Variants in BNC2 observed in about 807,000 individuals in gnomAD.
BNC2 encodes zinc finger protein basonuclin-2.
In BNC2, 20 loss-of-function variants were observed where a neutral mutation model predicts 76.3. That is an observed-to-expected ratio of 0.26 (90% CI 0.18 to 0.38). The LOEUF is 0.38. Ranked by LOEUF, BNC2 falls within the 10% of genes least tolerant of loss-of-function variation. BNC2 has a pLI of 1.00. For synonymous variants in BNC2, 582 were observed against 514.8 expected, an observed-to-expected ratio of 1.13 and a Z score of -1.77; for missense variants, 1,382 against 1,399.8, an observed-to-expected ratio of 0.99 and a Z score of 0.20.
rs538801305 is a variant in BNC2 at position 16,788,288 on chromosome 9, T to C, written c.4-49803A>G. 1.9e-3 allele frequency among the ~76,000 whole-genome samples: 285 copies of C among 152,158 alleles called. 1 individual carries two copies. The highest frequency in any genetic ancestry group is 3.7e-3 in the African/African-American group (153 of 41,530). ...TCATTCCTGGGCCAGGCGCGGTGGC[T>C]CACGCCTGTAATCCCAGCACTCTGG... On this transcript the variant is annotated intron_variant, in intron 1 of 6. Coordinates refer to ENST00000380672, the MANE Select transcript of BNC2 (RefSeq NM_017637.6).
chr9:16,673,558 G>T (rs1822548620), intron 3 of BNC2, among the ~76,000 whole-genome samples: 3 of 151,926 alleles, frequency 2.0e-5, no homozygotes, highest in African/African-American at 7.3e-5. Context: ...AGATCTGCAG[G>T]ATCAGGCCTG....
At chr9:16,449,849 G>A (rs1563789173) in intron 5 of BNC2, among the ~76,000 whole-genome samples, 1 of 134,400 alleles carries the variant, frequency 7.4e-6, no homozygotes. Context: ...GGCGGGGGGG[G>A]AGGGTAACTA....
chr9:16,723,518 A>C (rs1004385861), intron 3 of BNC2, among the ~76,000 whole-genome samples: 2 of 151,808 alleles, frequency 1.3e-5, no homozygotes, highest in African/African-American at 2.4e-5. Context: ...GGGGACAAAA[A>C]CATTTTCATT....
At chr9:16,864,966 T>C (rs1819506060) in intron 1 of BNC2, among the ~76,000 whole-genome samples, 3 of 148,952 alleles carry the variant, frequency 2.0e-5, no homozygotes, top group East Asian at 4.0e-4. Context: ...CATCGTCGAG[T>C]CACAATATTT....
chr9:16,601,656 G>A (rs1391671448), intron 3 of BNC2, among the ~76,000 whole-genome samples: 1 of 151,946 alleles, frequency 6.6e-6, no homozygotes, highest in Non-Finnish European at 1.5e-5. Flanking sequence ...GCCAGGGAGG[G>A]CAGGGTCTGG....
chr9:16,838,125 G>A (rs991951518), intron 1 of BNC2, among the ~76,000 whole-genome samples: 1 of 152,116 alleles, frequency 6.6e-6, no homozygotes, highest in Non-Finnish European at 1.5e-5. Context: ...ACTTAAATAA[G>A]GCATACATAA....
chr9:16,743,324 A>G (rs1422942577), intron 1 of BNC2, among the ~76,000 whole-genome samples: 3 of 151,526 alleles, frequency 2.0e-5, no homozygotes, highest in African/African-American at 4.8e-5. Context: ...TTTTTTCCCC[A>G]TGTTTGGTTA....
At chr9:16,628,885 A>G (rs1821077543) in intron 3 of BNC2, among the ~76,000 whole-genome samples, 1 of 152,210 alleles carries the variant, frequency 6.6e-6, no homozygotes, top group Non-Finnish European at 1.5e-5. Flanking sequence ...TTAAGTGGAA[A>G]TAGTAGGATT....
chr9:16,472,801 A>T (rs1821853134), intron 5 of BNC2, among the ~76,000 whole-genome samples: 1 of 152,232 alleles, frequency 6.6e-6, no homozygotes, highest in African/African-American at 2.4e-5. Context: ...TACTTAATGA[A>T]AGGGGTGAAA....
intron 1 of BNC2, among the ~76,000 whole-genome samples, chr9:16,786,614 A>T (rs138027759): frequency 3.9e-5 from 6 of 152,190 alleles, no homozygotes; most frequent in African/African-American, 9.6e-5. Context: ...TCAGGGTTCC[A>T]TGAGAATGCA....
At chr9:16,459,189 C>G (rs1563793305) in intron 5 of BNC2, among the ~76,000 whole-genome samples, 1 of 152,328 alleles carries the variant, frequency 6.6e-6, no homozygotes, top group East Asian at 1.9e-4. Context: ...CATGAATCGG[C>G]CTGTGTCCTA....
chr9:16,621,107 G>C (rs1587243908), intron 3 of BNC2, among the ~76,000 whole-genome samples: 1 of 152,174 alleles, frequency 6.6e-6, no homozygotes, highest in Non-Finnish European at 1.5e-5. Context: ...ATTCAACAAC[G>C]CCTGTGACTG....
At chr9:16,799,131 C>A (rs1436489538) in intron 1 of BNC2, among the ~76,000 whole-genome samples, 1 of 151,372 alleles carries the variant, frequency 6.6e-6, no homozygotes, top group Non-Finnish European at 1.5e-5. Flanking sequence ...TTTTTTTTTC[C>A]GATTCTACAA....
intron 1 of BNC2, among the ~76,000 whole-genome samples, chr9:16,853,069 G>C (rs193235689): frequency 1.3e-5 from 2 of 152,316 alleles, no homozygotes; most frequent in East Asian, 3.9e-4. Context: ...TAGTCTTCTA[G>C]GAGTAGTGGG....
intron 1 of BNC2, among the ~76,000 whole-genome samples, chr9:16,755,289 G>A (rs1314061697): frequency 6.6e-6 from 1 of 152,084 alleles, no homozygotes; most frequent in Non-Finnish European, 1.5e-5. Flanking sequence ...GGAGACCCAG[G>A]GGACTGAAGA....
chr9:16,616,696 A>C (rs1820707521), intron 3 of BNC2, among the ~76,000 whole-genome samples: 1 of 151,404 alleles, frequency 6.6e-6, no homozygotes, highest in South Asian at 2.1e-4. Flanking sequence ...CTCAAAAAAA[A>C]AAAAAAATTA....
intron 4 of BNC2, among the ~76,000 whole-genome samples, chr9:16,564,884 T>C (rs1819125325): frequency 6.6e-6 from 1 of 152,144 alleles, no homozygotes; most frequent in Non-Finnish European, 1.5e-5. Flanking sequence ...GTTTCTATCT[T>C]GGTGGCGGTG....
chr9:16,849,579 G>A (rs1360086758), intron 1 of BNC2, among the ~76,000 whole-genome samples: 14 of 151,814 alleles, frequency 9.2e-5, no homozygotes, highest in African/African-American at 2.7e-4. Context: ...GGCTGGTCCC[G>A]AACTCCTGAC....
chr9:16,797,606 T>A (rs1343233748), intron 1 of BNC2, among the ~76,000 whole-genome samples: 1 of 151,824 alleles, frequency 6.6e-6, no homozygotes, highest in African/African-American at 2.4e-5. Context: ...CTAGTAAGAG[T>A]GTCACACAAG....
Sources: gnomAD v4.1 joint callset for allele counts (sites outside exome capture counted in the v4.1 genomes callset) on GRCh38, gnomAD v4.1.1 for gene constraint, MANE v1.5 for transcripts, NCBI Gene and HGNC (gene_info 2026-07-23, HGNC 2026-07-21) for gene names.